Variants in SSR1 observed in about 807,000 individuals in gnomAD.
The protein encoded by SSR1 is signal sequence receptor subunit 1.
In SSR1, 13 loss-of-function variants were observed where a neutral mutation model predicts 36.1. The observed-to-expected ratio is 0.36, with a 90% confidence interval of 0.23 to 0.57. The LOEUF (loss-of-function observed/expected upper bound fraction) is 0.57, where lower values mean the gene tolerates loss of function less well. Ranked by LOEUF, SSR1 falls within the 20% of genes least tolerant of loss-of-function variation. The probability of loss-of-function intolerance (pLI) is 0.81; values close to 1 mark genes in which losing one functional copy is unlikely to be tolerated. For missense variants in SSR1, 291 were observed against 338.5 expected (o/e 0.86, Z 1.10); for synonymous variants, 113 against 118.9 (o/e 0.95, Z 0.32).
intron 5 of SSR1, 172 bp downstream of exon 5, chr6:7,298,575 A>C: frequency 3.6e-6 from 2 of 550,256 alleles, no homozygotes; most frequent in Non-Finnish European, 6.4e-6. Flanking sequence ...TCCTAATTTG[A>C]CTTTTATAGT....
chr6:7,297,172 T>C (rs1295758612), intron 6 of SSR1: 1 of 288,130 alleles, frequency 3.5e-6, no homozygotes, highest in Non-Finnish European at 6.9e-6. Flanking sequence ...GTAAGCAAGA[T>C]TGTGCCACTG....
At chr6:7,309,856 T>C in intron 2 of SSR1, 61 bp downstream of exon 2, 1 of 1,312,000 alleles carries the variant, frequency 7.6e-7, no homozygotes, top group East Asian at 2.3e-5. Flanking sequence ...ATTAGCAGCA[T>C]GAGAACAGAT....
chr6:7,305,538 A>G (rs771373955), intron 2 of SSR1, among the ~76,000 whole-genome samples: 11 of 152,236 alleles, frequency 7.2e-5, no homozygotes, highest in Admixed American at 5.2e-4. Flanking sequence ...AATGTGGATG[A>G]ACAGTATAAG....
chr6:7,310,224 ATT>A (rs10633004), intron 1 of SSR1, among the ~76,000 whole-genome samples, 195 bp from the exon 2 acceptor site: 32 of 139,336 alleles, frequency 2.3e-4, no homozygotes, highest in African/African-American at 3.5e-4. Context: ...CTGCATATCA[ATT>A]TTTTTTTTTT....
chr6:7,306,671 C>G (rs751844427), intron 2 of SSR1, among the ~76,000 whole-genome samples: 9 of 150,976 alleles, frequency 6.0e-5, no homozygotes, highest in Middle Eastern at 7.0e-3. Context: ...AATCCCAGCA[C>G]TTCGGGAGGC....
intron 4 of SSR1, among the ~76,000 whole-genome samples, chr6:7,300,138 A>G (rs1047924895): frequency 2.0e-5 from 3 of 152,220 alleles, no homozygotes; most frequent in Admixed American, 2.0e-4. Context: ...TATTATTTTG[A>G]GGACAGGATG....
chr6:7,296,533 G>A (rs1049778763), intron 6 of SSR1, among the ~76,000 whole-genome samples: 5 of 152,052 alleles, frequency 3.3e-5, no homozygotes, highest in Admixed American at 6.6e-5. Flanking sequence ...ATAAATAATC[G>A]CCAAAATGAT....
In SSR1 at chr6:7,306,952, TAA is replaced by T. The variant is rs77938603; in HGVS notation, c.192+2963_192+2964del. On this transcript the variant is annotated intron_variant, in intron 2 of 7. Transcript: ENST00000244763. Reference sequence around the variant, plus strand: ...GGGTGGGGGAAAGCCCAAGGTGACTTAAAAAAAAAAAAAAGGTTTGTCCTCAA... The same window carrying T: ...GGGTGGGGGAAAGCCCAAGGTGACTTAAAAAAAAAAAAGGTTTGTCCTCAA... Among the ~76,000 whole-genome samples, 13 of 132,590 alleles carry T rather than the reference TAA, an allele frequency of 9.8e-5. No individual in the cohort carries two copies. The South Asian group carries it at 2.8e-3, about 29-fold the overall frequency. 87.0% of individuals were successfully genotyped at this position (132,590 alleles called of 152,430 possible). A position where few individuals can be genotyped will look rare whatever the true frequency, so the allele number is the denominator to read the frequency against.
At chr6:7,290,881 T>C (rs1245883317) in intron 7 of SSR1, among the ~76,000 whole-genome samples, 1 of 151,894 alleles carries the variant, frequency 6.6e-6, no homozygotes, top group Non-Finnish European at 1.5e-5. Flanking sequence ...AGAAAATGAG[T>C]AAATGTTTAT....
chr6:7,298,684 G>C, intron 5 of SSR1, 63 bp downstream of exon 5: 2 of 1,263,944 alleles, frequency 1.6e-6, no homozygotes, highest in Non-Finnish European at 2.3e-6. Context: ...CTGAAACAGA[G>C]CAAGCTTTCC....
chr6:7,307,335 T>C (rs1380047055), intron 2 of SSR1, among the ~76,000 whole-genome samples: 1 of 152,210 alleles, frequency 6.6e-6, no homozygotes, highest in African/African-American at 2.4e-5. Context: ...ACCTTAATTA[T>C]TTTCTGATTT....
At chr6:7,290,190 C>T (rs905843873) in intron 7 of SSR1, among the ~76,000 whole-genome samples, 2 of 152,240 alleles carry the variant, frequency 1.3e-5, no homozygotes, top group African/African-American at 4.8e-5. Flanking sequence ...GGTTATTGTA[C>T]TGCTGAAGAC....
At chr6:7,295,273 G>T in intron 7 of SSR1, 119 bp downstream of exon 7, 1 of 1,083,722 alleles carries the variant, frequency 9.2e-7, no homozygotes, top group Non-Finnish European at 1.3e-6. Context: ...TTCTACACAA[G>T]TAATGGAAAA....
Position 7,284,114 on chromosome 6 carries a change from T to C in SSR1, c.*5750A>G, listed in dbSNP as rs1439400344. ...TAAATGTTGGGTGATCAGACCAATATGGTTTCTGAAAAAACTGTTCAGAAA... is the reference window on the plus strand; with the variant it reads ...TAAATGTTGGGTGATCAGACCAATACGGTTTCTGAAAAAACTGTTCAGAAA... On this transcript the variant is annotated 3_prime_UTR_variant, in exon 8 of 8. Coordinates refer to ENST00000244763, the MANE Select transcript of SSR1 (RefSeq NM_003144.5). 2 of 152,258 alleles carry C rather than the reference T, an allele frequency of 1.3e-5. No individual in the cohort carries two copies. The highest frequency in any genetic ancestry group is 1.5e-5 in the Non-Finnish European group (1 of 68,044). 9.4% of individuals were successfully genotyped at this position (152,258 alleles called of 1,614,324 possible).
chr6:7,293,245 C>T (rs1168017005), intron 7 of SSR1, among the ~76,000 whole-genome samples: 1 of 151,590 alleles, frequency 6.6e-6, no homozygotes, highest in South Asian at 2.1e-4. Flanking sequence ...TGTTTGGCTA[C>T]ATGGGTAAGT....
At chr6:7,297,748 G>A (rs186408086) in intron 6 of SSR1, among the ~76,000 whole-genome samples, 175 bp downstream of exon 6, 1 of 152,116 alleles carries the variant, frequency 6.6e-6, no homozygotes, top group Non-Finnish European at 1.5e-5. Flanking sequence ...AAGAAAGTAA[G>A]TTTAAATGAA....
chr6:7,297,346 T>C (rs1488899730), intron 6 of SSR1: 1 of 161,302 alleles, frequency 6.2e-6, no homozygotes, highest in African/African-American at 2.4e-5. Context: ...ATAAAAATTC[T>C]AGCATTTAGA....
intron 1 of SSR1, among the ~76,000 whole-genome samples, chr6:7,312,266 T>A (rs1412675026): frequency 2.0e-5 from 3 of 152,048 alleles, no homozygotes; most frequent in Non-Finnish European, 4.4e-5. Context: ...AAAGAATAAA[T>A]CTATGTATTA....
intron 4 of SSR1, among the ~76,000 whole-genome samples, chr6:7,299,199 G>A (rs1757871141): frequency 6.6e-6 from 1 of 152,186 alleles, no homozygotes; most frequent in African/African-American, 2.4e-5. Context: ...TCTGGGGTAG[G>A]GGTGGTGGTG....
Sources: gnomAD v4.1 joint callset for allele counts (sites outside exome capture counted in the v4.1 genomes callset) on GRCh38, gnomAD v4.1.1 for gene constraint, MANE v1.5 for transcripts, NCBI Gene and HGNC (gene_info 2026-07-23, HGNC 2026-07-21) for gene names.